PLGRKT: variants seen among roughly 807,000 people sequenced by gnomAD.
The protein encoded by PLGRKT is plasminogen receptor (KT).
PLGRKT carries 22 observed loss-of-function variants against 18.5 expected under a neutral mutation model. The ratio of observed to expected loss-of-function variants is 1.19; its 90% confidence interval spans 0.85 to 1.70. The LOEUF (loss-of-function observed/expected upper bound fraction) is 1.70. Ranked by LOEUF, PLGRKT falls within the 40% of genes most tolerant of loss-of-function variation. The pLI is 0.00. For missense variants in PLGRKT, 235 were observed against 174.4 expected, an observed-to-expected ratio of 1.35 and a Z score of -1.96; for synonymous variants, 72 against 52.8, an observed-to-expected ratio of 1.36 and a Z score of -1.58.
chr9:5,378,630 T>G (rs1403830693), intron 3 of PLGRKT, among the ~76,000 whole-genome samples: 7 of 152,188 alleles, frequency 4.6e-5, no homozygotes, highest in Non-Finnish European at 5.9e-5. Flanking sequence ...GTAAATTAAT[T>G]GAGTTGTACA....
chr9:5,375,669 C>A (rs1443082494), intron 3 of PLGRKT, among the ~76,000 whole-genome samples: 1 of 152,168 alleles, frequency 6.6e-6, no homozygotes, highest in African/African-American at 2.4e-5. Flanking sequence ...CAAAATAAAG[C>A]AAACAAACAC....
intron 3 of PLGRKT, among the ~76,000 whole-genome samples, chr9:5,395,205 G>A (rs770304118): frequency 1.3e-5 from 2 of 151,636 alleles, no homozygotes; most frequent in South Asian, 2.1e-4. Context: ...AGAAGTATTC[G>A]ACAACTAGTG....
chr9:5,370,745 A>C (rs1244994257), intron 3 of PLGRKT, among the ~76,000 whole-genome samples: 1 of 152,208 alleles, frequency 6.6e-6, no homozygotes, highest in African/African-American at 2.4e-5. Context: ...ATACCTTCTA[A>C]ACCAAAAGAA....
chr9:5,397,382 G>C (rs1249992266), intron 3 of PLGRKT, among the ~76,000 whole-genome samples: 1 of 151,946 alleles, frequency 6.6e-6, no homozygotes, highest in East Asian at 1.9e-4. Flanking sequence ...ATAGCACTTA[G>C]CTCGATTTAC....
At chr9:5,386,806 G>A (rs981122533) in intron 3 of PLGRKT, among the ~76,000 whole-genome samples, 1 of 151,872 alleles carries the variant, frequency 6.6e-6, no homozygotes, top group Non-Finnish European at 1.5e-5. Context: ...GGCATAAAAA[G>A]TTAGAAACCA....
rs1818540273 is a variant in PLGRKT at position 5,419,848 on chromosome 9, T to C, written c.81+12049A>G. ...ATAAGTTAAGCATAAAATTACCATATGACTCCGCAACTCCATTACTAGGTA... is the reference window on the plus strand; with the variant it reads ...ATAAGTTAAGCATAAAATTACCATACGACTCCGCAACTCCATTACTAGGTA... On this transcript the variant is annotated intron_variant, in intron 3 of 5. Coordinates refer to ENST00000223864, the MANE Select transcript of PLGRKT (RefSeq NM_018465.4). 1.3e-5 allele frequency among the ~76,000 whole-genome samples: 2 copies of C among 152,342 alleles called. 1 individual carries two copies. The highest frequency in any genetic ancestry group is 4.1e-4 in the South Asian group (2 of 4,834).
At chr9:5,407,840 G>A (rs1048435065) in intron 3 of PLGRKT, among the ~76,000 whole-genome samples, 1 of 152,124 alleles carries the variant, frequency 6.6e-6, no homozygotes. Flanking sequence ...TAAAAGAAAA[G>A]CAAAATGCTA....
At chr9:5,360,039 G>C (rs1485460001) in intron 5 of PLGRKT, among the ~76,000 whole-genome samples, 1 of 152,200 alleles carries the variant, frequency 6.6e-6, no homozygotes, top group Non-Finnish European at 1.5e-5. Flanking sequence ...TGATGAGAGA[G>C]TATAATGGAT....
chr9:5,378,187 C>T (rs1160523485), intron 3 of PLGRKT, among the ~76,000 whole-genome samples: 15 of 152,048 alleles, frequency 9.9e-5, no homozygotes, highest in Admixed American at 9.8e-4. Flanking sequence ...AAACCAACAG[C>T]GTAATAGATA....
chr9:5,387,674 G>C lies in PLGRKT; in HGVS notation c.82-25786C>G, dbSNP rs988514532. Among the ~76,000 whole-genome samples, 8 of 151,762 alleles carry C rather than the reference G, an allele frequency of 5.3e-5. 1 individual carries two copies. Among genetic ancestry groups the C allele is most frequent in the African/African-American group, 1.9e-4 (8 of 41,084 alleles). Reference sequence around the variant, plus strand: ...AGGCGGGAGGAAGCCTCCTGCGGGGGGGCTGGGAATGATCTATCTTTTGAT... The same window carrying C: ...AGGCGGGAGGAAGCCTCCTGCGGGGCGGCTGGGAATGATCTATCTTTTGAT... On this transcript the variant is annotated intron_variant, in intron 3 of 5. Transcript: ENST00000223864.
chr9:5,365,902 C>G (rs1383118487), intron 3 of PLGRKT, among the ~76,000 whole-genome samples: 1 of 152,080 alleles, frequency 6.6e-6, no homozygotes, highest in Non-Finnish European at 1.5e-5. Context: ...TAAAGGCAAT[C>G]TTGTCCATCT....
intron 3 of PLGRKT, among the ~76,000 whole-genome samples, chr9:5,375,017 C>T (rs901166345): frequency 6.6e-6 from 1 of 152,092 alleles, no homozygotes; most frequent in African/African-American, 2.4e-5. Flanking sequence ...AGACACTCAC[C>T]ACGCCCCAAC....
At chr9:5,412,594 A>G (rs1248144092) in intron 3 of PLGRKT, among the ~76,000 whole-genome samples, 1 of 152,232 alleles carries the variant, frequency 6.6e-6, no homozygotes, top group East Asian at 1.9e-4. Context: ...CTCTAGAACC[A>G]TGAGCTAAAT....
At chr9:5,432,935 C>A (rs936377176) in intron 2 of PLGRKT, among the ~76,000 whole-genome samples, 1 of 151,512 alleles carries the variant, frequency 6.6e-6, no homozygotes, top group African/African-American at 2.4e-5. Context: ...AGGAAGTGAG[C>A]AGCGTCTCTG....
At chr9:5,434,254 CGGCCGCCCTTCGTCTGGG>C (rs1818908581) in intron 2 of PLGRKT, among the ~76,000 whole-genome samples, 1 of 145,132 alleles carries the variant, frequency 6.9e-6, no homozygotes, top group Non-Finnish European at 1.5e-5. Flanking sequence ...CGCCTCTGCC[CGGCCGCCCTTCGTCTGGG>C]AGGTGGGGAG....
intron 3 of PLGRKT, among the ~76,000 whole-genome samples, chr9:5,408,629 G>A (rs1384044014): frequency 2.0e-5 from 3 of 152,218 alleles, no homozygotes; most frequent in African/African-American, 7.2e-5. Flanking sequence ...CCCATTTCTG[G>A]GTGAAGAATT....
chr9:5,401,474 C>T (rs1451562237), intron 3 of PLGRKT, among the ~76,000 whole-genome samples: 1 of 151,792 alleles, frequency 6.6e-6, no homozygotes, highest in Non-Finnish European at 1.5e-5. Flanking sequence ...GACTGTTAAC[C>T]TCTAGCAAAC....
At chr9:5,424,668 T>TTATATATATATATGTATA (rs1818655104) in intron 3 of PLGRKT, among the ~76,000 whole-genome samples, 2 of 113,170 alleles carry the variant, frequency 1.8e-5, no homozygotes, top group African/African-American at 8.2e-5. Flanking sequence ...ATTATATATT[T>TTATATATATATATGTATA]TATATATATA....
rs116533143 is a variant in PLGRKT at position 5,361,699 on chromosome 9, G to T, written c.212+59C>A. ...TTCTGGCCAACTTCATAATAAAATG[G>T]TAATGGAAAACACAAAAAGAAGTAA... On this transcript the variant is annotated intron_variant, in intron 4 of 5. Coordinates refer to ENST00000223864, the MANE Select transcript of PLGRKT (RefSeq NM_018465.4). 1,243 of 1,511,372 alleles carry T rather than the reference G, an allele frequency of 8.2e-4. 15 individuals carry two copies. In the African/African-American group the frequency reaches 0.015, roughly 18 times the overall value. 93.6% of individuals were successfully genotyped at this position (1,511,372 alleles called of 1,614,324 possible).
Sources: allele counts gnomAD v4.1 joint callset (sites outside exome capture counted in the v4.1 genomes callset), GRCh38; gene constraint gnomAD v4.1.1; transcripts MANE v1.5; gene names NCBI Gene and HGNC (gene_info 2026-07-23, HGNC 2026-07-21).